CREB3L1: variants seen among roughly 807,000 people sequenced by gnomAD.
CREB3L1 encodes cAMP responsive element binding protein 3 like 1.
CREB3L1 carries 33 observed loss-of-function variants against 54.5 expected under a neutral mutation model. The ratio of observed to expected loss-of-function variants is 0.61; its 90% CI spans 0.46 to 0.81. The LOEUF (loss-of-function observed/expected upper bound fraction) is 0.81. Among genes scored for constraint, CREB3L1 ranks in the 30% least tolerant of loss-of-function variants. The pLI, the probability that CREB3L1 is intolerant of heterozygous loss-of-function variation, is 0.00. For missense variants in CREB3L1, 656 were observed against 673.3 expected, an observed-to-expected ratio of 0.97 and a Z score of 0.29; for synonymous variants, 284 against 286.4, an observed-to-expected ratio of 0.99 and a Z score of 0.08.
intron 1 of CREB3L1, among the ~76,000 whole-genome samples, chr11:46,289,793 T>C (rs1939106115): frequency 1.3e-5 from 2 of 152,338 alleles, no homozygotes; most frequent in South Asian, 4.1e-4. Context: ...GATCAGTTTC[T>C]GACAGTCCTT....
intron 1 of CREB3L1, 28 bp from the exon 2 acceptor site, chr11:46,299,907 C>A: frequency 6.4e-7 from 1 of 1,570,034 alleles, no homozygotes; most frequent in Non-Finnish European, 8.8e-7. Context: ...GCTGAATTCC[C>A]TCTTCCCCTC....
chr11:46,296,510 C>G (rs1347616408), intron 1 of CREB3L1, among the ~76,000 whole-genome samples: 1 of 152,206 alleles, frequency 6.6e-6, no homozygotes, highest in African/African-American at 2.4e-5. Flanking sequence ...GGGGAGCTTT[C>G]TCCCGTCCCT....
rs909975858 is a variant in CREB3L1 at position 46,300,958 on chromosome 11, T to C, written c.331+795T>C. ...AGGCGGAGCTTGCAGTGAGCCAAGATTGCGCCACTGCACTCCAGCCTGGGC... is the reference window on the plus strand; with the variant it reads ...AGGCGGAGCTTGCAGTGAGCCAAGACTGCGCCACTGCACTCCAGCCTGGGC... On this transcript the variant is annotated intron_variant, in intron 2 of 11. Transcript: ENST00000621158. Among the ~76,000 whole-genome samples the C allele has an allele frequency of 7.6e-5, 11 of 143,858 alleles. No individual in the cohort carries two copies. The Admixed American group carries it at 7.8e-4, about 10-fold the overall frequency. The allele number at this position is 143,858 out of a possible 152,430, so 94.4% of individuals were successfully genotyped here.
chr11:46,320,737 A>G lies in CREB3L1; in HGVS notation c.1551A>G (p.Lys517=), dbSNP rs767091371. 6.5e-5 allele frequency: 105 copies of G among 1,611,350 alleles called. 1 individual carries two copies. The South Asian group carries it at 1.1e-3, about 17-fold the overall frequency. Reference sequence around the variant, plus strand: ...ATCTGGGCCCCAACACCACCATCAAACTCTCCTAGGCCATGCCAAGACCCA... The same window carrying G: ...ATCTGGGCCCCAACACCACCATCAAGCTCTCCTAGGCCATGCCAAGACCCA... ...DRDLGPNTTI[K]LS is the part of the protein sequence containing the mutation. Residue 517 remains lysine (K), a synonymous_variant, in exon 12 of 12, where the codon AAA becomes AAG. Coordinates refer to ENST00000621158, the MANE Select transcript of CREB3L1 (RefSeq NM_052854.4).
At position 46,321,391 on chromosome 11, in the gene CREB3L1, CCAA is replaced by C. The variant is rs1939650893; in HGVS notation, c.*646_*648del. 1.5e-4 allele frequency: 24 copies of C among 158,136 alleles called. No homozygotes were observed. Among genetic ancestry groups the C allele is most frequent in the Middle Eastern group, 2.2e-3 (1 of 454 alleles). The allele number at this position is 158,136 out of a possible 1,614,324, so 9.8% of individuals were successfully genotyped here. A position where few individuals can be genotyped will look rare whatever the true frequency, so the allele number is the denominator to read the frequency against. On this transcript the variant is annotated 3_prime_UTR_variant, in exon 12 of 12. Coordinates refer to ENST00000621158, the MANE Select transcript of CREB3L1 (RefSeq NM_052854.4). ...CAGCACATGCTTTAAGAAAGCAAAA[CCAA>C]AAAAAAAAAAAAAAAGATGCAGCAT...
chr11:46,313,789 A>G (rs1032426432), intron 8 of CREB3L1, among the ~76,000 whole-genome samples: 1 of 152,220 alleles, frequency 6.6e-6, no homozygotes, highest in Non-Finnish European at 1.5e-5. Context: ...GAGAAACAGG[A>G]GTATAGAGAC....
intron 5 of CREB3L1, 104 bp downstream of exon 5, chr11:46,311,293 C>A: frequency 1.5e-6 from 2 of 1,341,646 alleles, no homozygotes; most frequent in Admixed American, 3.5e-5. Context: ...AGACTGATCC[C>A]CACCCTCATC....
intron 2 of CREB3L1, among the ~76,000 whole-genome samples, chr11:46,306,354 A>C (rs919123819): frequency 2.0e-5 from 3 of 152,128 alleles, no homozygotes; most frequent in African/African-American, 7.2e-5. Flanking sequence ...AAATACAAAA[A>C]TTAGCTGGGC....
At chr11:46,312,719 C>A in intron 7 of CREB3L1, 49 bp downstream of exon 7, 1 of 1,578,250 alleles carries the variant, frequency 6.3e-7, no homozygotes, top group African/African-American at 1.3e-5. Flanking sequence ...CCTGACCTGC[C>A]CTCCCCTAGG....
intron 1 of CREB3L1, among the ~76,000 whole-genome samples, chr11:46,285,090 C>T (rs890354680): frequency 5.3e-5 from 8 of 152,156 alleles, no homozygotes; most frequent in Admixed American, 5.2e-4. Flanking sequence ...TTTCTGTCTG[C>T]CCTGGCCTGG....
chr11:46,307,788 G>A (rs1346216201), intron 2 of CREB3L1, 28 bp from the exon 3 acceptor site: 2 of 1,512,800 alleles, frequency 1.3e-6, no homozygotes, highest in Non-Finnish European at 1.8e-6. Context: ...CTGCCCTAGA[G>A]TCCCCTGAGC....
At chr11:46,306,049 T>G (rs1939392770) in intron 2 of CREB3L1, among the ~76,000 whole-genome samples, 1 of 151,770 alleles carries the variant, frequency 6.6e-6, no homozygotes, top group Non-Finnish European at 1.5e-5. Context: ...ATTTTTTTAA[T>G]TGATTTAATT....
chr11:46,281,013 G>A (rs753813312), intron 1 of CREB3L1, among the ~76,000 whole-genome samples: 10 of 152,188 alleles, frequency 6.6e-5, no homozygotes, highest in South Asian at 4.1e-4. Context: ...CAAGAAATAC[G>A]CATGCACTTG....
rs952009710 is a variant in CREB3L1, at chr11:46,295,623, G to C, written c.103-4312G>C. Among the ~76,000 whole-genome samples, 2 of 152,126 alleles carry C rather than the reference G, an allele frequency of 1.3e-5. No homozygotes were observed. Among genetic ancestry groups the C allele is most frequent in the Admixed American group, 6.5e-5 (1 of 15,288 alleles). Reference sequence around the variant, plus strand: ...CTCCGCGCGAGCCCTGCACTCCTCCGGTGCCCTCCACGCCGCCACCGGCTG... The same window carrying C: ...CTCCGCGCGAGCCCTGCACTCCTCCCGTGCCCTCCACGCCGCCACCGGCTG... On this transcript the variant is annotated intron_variant, in intron 1 of 11. Transcript: ENST00000621158. This position sits in a 1 kb window ranked among gnomAD's most constrained non-coding sequence, Gnocchi z 4.6.
chr11:46,289,095 C>T (rs1939098051), intron 1 of CREB3L1, among the ~76,000 whole-genome samples: 1 of 152,004 alleles, frequency 6.6e-6, no homozygotes, highest in African/African-American at 2.4e-5. Flanking sequence ...GGATGAAATC[C>T]GGCCAGGCGC....
At chr11:46,319,802 T>C (rs1939619641) in intron 10 of CREB3L1, among the ~76,000 whole-genome samples, 1 of 150,916 alleles carries the variant, frequency 6.6e-6, no homozygotes, top group African/African-American at 2.4e-5. Flanking sequence ...TCGCTTGAGC[T>C]CGGGAGGCGG....
chr11:46,285,680 C>T (rs1939045032), intron 1 of CREB3L1, among the ~76,000 whole-genome samples: 4 of 152,190 alleles, frequency 2.6e-5, no homozygotes, highest in African/African-American at 7.2e-5. Context: ...GGGACAGAGC[C>T]TTCACTGCCG....
intron 2 of CREB3L1, among the ~76,000 whole-genome samples, chr11:46,305,764 G>A (rs1446621529): frequency 1.4e-5 from 2 of 146,104 alleles, no homozygotes; most frequent in African/African-American, 2.6e-5. Context: ...TTAAGACGGA[G>A]TCTCGCTCTG....
chr11:46,315,204 C>G (rs918323905), intron 8 of CREB3L1: 2 of 333,712 alleles, frequency 6.0e-6, no homozygotes, highest in African/African-American at 4.3e-5. Flanking sequence ...TCCTCTGTTC[C>G]CTGATTGGCC....
Sources: gnomAD v4.1 joint callset for allele counts (sites outside exome capture counted in the v4.1 genomes callset) on GRCh38, gnomAD v4.1.1 for gene constraint, Gnocchi (gnomAD v3.1) non-coding constraint, MANE v1.5 for transcripts, NCBI Gene and HGNC (gene_info 2026-07-23, HGNC 2026-07-21) for gene names.